Variants in MIDEAS observed in about 807,000 individuals in gnomAD.
The protein encoded by MIDEAS is mitotic deacetylase-associated SANT domain protein.
MIDEAS carries 26 observed loss-of-function variants against 102.7 expected under a neutral mutation model. The ratio of observed to expected loss-of-function variants is 0.25; its 90% CI spans 0.19 to 0.35. The LOEUF (loss-of-function observed/expected upper bound fraction) is 0.35. Among genes scored for constraint, MIDEAS ranks in the 10% least tolerant of loss-of-function variants. MIDEAS has a pLI of 1.00. For missense variants in MIDEAS, 1,231 were observed against 1,435.6 expected (o/e 0.86, Z 2.30); for synonymous variants, 585 against 591.0 (o/e 0.99, Z 0.15).
chr14:73,744,460 C>A (rs182390592), intron 1 of MIDEAS, among the ~76,000 whole-genome samples: 182 of 152,322 alleles, frequency 1.2e-3, no homozygotes, highest in African/African-American at 4.1e-3. Context: ...AACAGCTGAC[C>A]CGAGGGCCCC....
chr14:73,751,375 T>C (rs2053416382), intron 1 of MIDEAS, among the ~76,000 whole-genome samples: 1 of 152,202 alleles, frequency 6.6e-6, no homozygotes, highest in Non-Finnish European at 1.5e-5. Context: ...GTCTGCTCCC[T>C]GGAGAGCAGC....
At chr14:73,789,645 A>T (rs1475872482), upstream of MIDEAS, among the ~76,000 whole-genome samples, 2 of 152,232 alleles carry the variant, frequency 1.3e-5, no homozygotes, top group African/African-American at 4.8e-5. Flanking sequence ...AGCCTTCCTG[A>T]TAGAACATGG....
At position 73,742,214 on chromosome 14, in the gene MIDEAS, G is replaced by A. The variant is rs1195995965; in HGVS notation, c.-247-1959C>T. 2.6e-5 allele frequency among the ~76,000 whole-genome samples: 4 copies of A among 152,236 alleles called. No individual in the cohort carries two copies. Among genetic ancestry groups the A allele is most frequent in the East Asian group, 1.9e-4 (1 of 5,188 alleles). On this transcript the variant is annotated intron_variant, in intron 1 of 12. Transcript: ENST00000423556. The surrounding 1 kb of genome is among the most constrained non-coding windows in gnomAD (Gnocchi z 4.4). ...ATGTGCGCCAGCCTGGCAAGCCCAC[G>A]TGCCTCCAGGGGGCTGCGAGCCCCT...
At position 73,732,147 on chromosome 14, in the gene MIDEAS, G is replaced by C. The variant is rs553610866; in HGVS notation, c.1750-2162C>G. Among the ~76,000 whole-genome samples the C allele has an allele frequency of 4.7e-4, 71 of 152,298 alleles. 1 individual carries two copies. The South Asian group carries it at 0.014, about 31-fold the overall frequency. ...TCAGAACAAGCTGCCCAGGCCTCCA[G>C]CCTCTACCACAAACTTTTCCTCAAC... is the stretch of plus-strand genomic sequence containing the variant. On this transcript the variant is annotated intron_variant, in intron 3 of 12. Coordinates refer to ENST00000423556, the MANE Select transcript of MIDEAS (RefSeq NM_001367710.1).
intron 1 of MIDEAS, among the ~76,000 whole-genome samples, chr14:73,758,201 A>G (rs1438963429): frequency 1.3e-5 from 2 of 152,240 alleles, no homozygotes; most frequent in Admixed American, 1.3e-4. Flanking sequence ...TTCACTGTCC[A>G]GAGCAGTTGG....
chr14:73,767,597 C>T (rs554977465), intron 1 of MIDEAS, among the ~76,000 whole-genome samples: 14 of 151,846 alleles, frequency 9.2e-5, no homozygotes, highest in African/African-American at 3.4e-4. Flanking sequence ...ATGACTGCAC[C>T]ACTGCACTCC....
chr14:73,719,222 T>TGGGGGGGG, intron 12 of MIDEAS, 83 bp downstream of exon 12: 1 of 1,497,114 alleles, frequency 6.7e-7, no homozygotes. Flanking sequence ...CTGTACCTCT[T>TGGGGGGGG]CCCCCTCCCC....
At position 73,725,313 on chromosome 14, in the gene MIDEAS, T is replaced by C. The variant is rs1338617441; in HGVS notation, c.2533A>G (p.Ile845Val). The change falls in exon 9 of 13, where the codon ATT (isoleucine) becomes GTT (valine). Residue 845 changes from isoleucine to valine, a missense_variant. Ile to Val is a conservative substitution (Grantham distance 29). Transcript: ENST00000423556. The surrounding 1 kb of genome is among the most constrained non-coding windows in gnomAD (Gnocchi z 4.1). Reference sequence around the variant, plus strand: ...AAGAAATCCTTCTTGTAGATGGCAATGCCTTTGTTGAACAGCTTCCTCTCG... The same window carrying C: ...AAGAAATCCTTCTTGTAGATGGCAACGCCTTTGTTGAACAGCTTCCTCTCG... ...MAERKLFNKG[I>V]AIYKKDFFLV... The C allele has an allele frequency of 6.2e-7, 1 of 1,613,992 alleles. No individual in the cohort carries two copies. Among genetic ancestry groups the C allele is most frequent in the African/African-American group, 1.3e-5 (1 of 74,930 alleles).
intron 1 of MIDEAS, among the ~76,000 whole-genome samples, chr14:73,770,172 A>G (rs2053629809): frequency 6.6e-6 from 1 of 152,160 alleles, no homozygotes; most frequent in Non-Finnish European, 1.5e-5. Context: ...TGATGAAACC[A>G]TTTGGTGAAG....
chr14:73,736,892 G>A (rs927540771), intron 3 of MIDEAS, 106 bp downstream of exon 3: 1 of 1,178,690 alleles, frequency 8.5e-7, no homozygotes, highest in Middle Eastern at 2.9e-4. Flanking sequence ...ATCTCCACAG[G>A]TTCCCTGATA....
rs945938840 is a variant in MIDEAS, at chr14:73,760,241, G to GCGGC, written c.-730_-727dup. 2.0e-5 allele frequency: 3 copies of GCGGC among 152,338 alleles called. No individual in the cohort carries two copies. Among genetic ancestry groups the GCGGC allele is most frequent in the South Asian group, 2.1e-4 (1 of 4,832 alleles). 9.4% of individuals were successfully genotyped at this position (152,338 alleles called of 1,614,324 possible). On this transcript the variant is annotated 5_prime_UTR_variant, in exon 1 of 13. Transcript: ENST00000423556. The surrounding 1 kb of genome is among the most constrained non-coding windows in gnomAD (Gnocchi z 4.8). ...CGAGGCTGGGAGCGCGGAGCGCCCA[G>GCGGC]CGGCCGGCCGGCGCGCGCGGCACCG...
chr14:73,729,571 G>A (rs552451130), intron 4 of MIDEAS, 69 bp downstream of exon 4: 242 of 1,314,516 alleles, frequency 1.8e-4, no homozygotes, highest in Admixed American at 5.7e-4. Context: ...CAGCCCCACA[G>A]GCTGAGATGC....
chr14:73,770,294 T>C (rs571071496), intron 1 of MIDEAS, among the ~76,000 whole-genome samples: 1 of 152,280 alleles, frequency 6.6e-6, no homozygotes, highest in South Asian at 2.1e-4. Context: ...TAAATAGGTG[T>C]CATGTTTATT....
At chr14:73,753,843 C>T (rs891626375) in intron 1 of MIDEAS, among the ~76,000 whole-genome samples, 1 of 150,154 alleles carries the variant, frequency 6.7e-6, no homozygotes, top group African/African-American at 2.4e-5. Flanking sequence ...CTCAGCTATG[C>T]CAGCAGGGCC....
At chr14:73,770,064 T>C (rs2053629066) in intron 1 of MIDEAS, among the ~76,000 whole-genome samples, 1 of 152,040 alleles carries the variant, frequency 6.6e-6, no homozygotes, top group Admixed American at 6.6e-5. Context: ...TTACAAAAGA[T>C]GCTCCACAGC....
intron 1 of MIDEAS, among the ~76,000 whole-genome samples, chr14:73,768,193 T>C (rs2053607847): frequency 6.6e-6 from 1 of 152,008 alleles, no homozygotes; most frequent in Non-Finnish European, 1.5e-5. Flanking sequence ...AAAAAATACA[T>C]GCTTGAGATG....
chr14:73,737,795 T>C (rs2053222240), intron 2 of MIDEAS, among the ~76,000 whole-genome samples: 2 of 142,836 alleles, frequency 1.4e-5, no homozygotes, highest in East Asian at 2.0e-4. Flanking sequence ...TTTTTTTTTT[T>C]TGGAGACAGG....
upstream of MIDEAS, among the ~76,000 whole-genome samples, chr14:73,761,459 C>A (rs1294491662): frequency 6.6e-6 from 1 of 152,162 alleles, no homozygotes; most frequent in African/African-American, 2.4e-5. Flanking sequence ...TACATGTACA[C>A]CTGGAAGTCA....
intron 9 of MIDEAS, chr14:73,723,671 TG>T (rs2053025527): frequency 1.3e-5 from 2 of 152,220 alleles, no homozygotes; most frequent in Admixed American, 6.5e-5. Flanking sequence ...ATATAGCCAA[TG>T]TTAACGATTG....
Sources: gnomAD v4.1 joint callset for allele counts (sites outside exome capture counted in the v4.1 genomes callset) on GRCh38, gnomAD v4.1.1 for gene constraint, Gnocchi (gnomAD v3.1) non-coding constraint, MANE v1.5 for transcripts, NCBI Gene and HGNC (gene_info 2026-07-23, HGNC 2026-07-21) for gene names.